MINAR1: variants seen among roughly 807,000 people sequenced by gnomAD.
MINAR1 encodes the protein membrane integral NOTCH2 associated receptor 1, also known as major intrinsically disordered Notch2-binding receptor 1.
A neutral mutation model predicts 65.1 loss-of-function variants in MINAR1; 40 were observed. The observed-to-expected ratio is 0.61, with a 90% CI of 0.48 to 0.80. The LOEUF is 0.80. Among genes scored for constraint, MINAR1 ranks in the 30% least tolerant of loss-of-function variants. The pLI, the probability that MINAR1 is intolerant of heterozygous loss-of-function variation, is 0.00. For missense variants in MINAR1, 1,128 were observed against 1,148.0 expected, an observed-to-expected ratio of 0.98 and a Z score of 0.25; for synonymous variants, 482 against 449.1, an observed-to-expected ratio of 1.07 and a Z score of -0.93.
intron 1 of MINAR1, among the ~76,000 whole-genome samples, chr15:79,452,696 GTGTC>G (rs1028987108): frequency 1.5e-4 from 15 of 102,600 alleles, no homozygotes; most frequent in African/African-American, 4.1e-4. Context: ...GTGTGTGTGG[GTGTC>G]TGGATGAGTG....
At chr15:79,443,259 G>C (rs1260356483) in intron 1 of MINAR1, among the ~76,000 whole-genome samples, 1 of 152,198 alleles carries the variant, frequency 6.6e-6, no homozygotes, top group Non-Finnish European at 1.5e-5. Context: ...GAATATTTCT[G>C]AGGGCTGGCA....
intron 1 of MINAR1, among the ~76,000 whole-genome samples, chr15:79,433,514 G>A (rs1817513168): frequency 6.6e-6 from 1 of 152,146 alleles, no homozygotes; most frequent in African/African-American, 2.4e-5. Flanking sequence ...TTTCTCTTGT[G>A]GATGGAGCCA....
rs148731743 is a variant in MINAR1, at chr15:79,471,368, ATCATT to A, written c.*2989_*2993del. On this transcript the variant is annotated 3_prime_UTR_variant, in exon 4 of 4. Coordinates refer to ENST00000305428, the MANE Select transcript of MINAR1 (RefSeq NM_015206.3). ...CATAATCATTTCATCTTCTTTCATA[ATCATT>A]TCATCTTCTAATCTGAATTTGTTTT... 8.8e-4 allele frequency: 135 copies of A among 152,734 alleles called. 1 individual carries two copies. Among genetic ancestry groups the A allele is most frequent in the African/African-American group, 3.2e-3 (132 of 41,564 alleles). The allele number at this position is 152,734 out of a possible 1,614,324, so 9.5% of individuals were successfully genotyped here.
At chr15:79,459,592 G>A (rs936730453) in intron 2 of MINAR1, among the ~76,000 whole-genome samples, 1 of 152,334 alleles carries the variant, frequency 6.6e-6, no homozygotes, top group South Asian at 2.1e-4. Flanking sequence ...GGTCTGAGTT[G>A]TCAGAGAGTG....
the MINAR1 span, chr15:79,424,464 T>C: frequency 6.9e-4 from 105 of 152,322 alleles, no homozygotes; most frequent in African/African-American, 2.3e-3. Context: ...CGTGGTGAAG[T>C]CATTTCATTC....
upstream of MINAR1, among the ~76,000 whole-genome samples, chr15:79,428,292 C>CTCCTTCCTTCTTCTCTCCCT (rs1894361705): frequency 4.0e-5 from 5 of 125,196 alleles, no homozygotes; most frequent in African/African-American, 1.6e-4. Flanking sequence ...CCCTCCCTCC[C>CTCCTTCCTTCTTCTCTCCCT]TCCTTCCTTC....
At chr15:79,424,853 A>T in the MINAR1 span, 1 of 152,290 alleles carries the variant, frequency 6.6e-6, no homozygotes, top group East Asian at 1.9e-4. Flanking sequence ...AGTCACTTGG[A>T]TGTTATTGGA....
the MINAR1 span, chr15:79,413,220 T>C: frequency 6.6e-6 from 1 of 152,220 alleles, no homozygotes; most frequent in African/African-American, 2.4e-5. Flanking sequence ...AACCCGCACA[T>C]GTACCCCTAA....
chr15:79,465,435 CTAAT>C (rs35077023), intron 3 of MINAR1, among the ~76,000 whole-genome samples: 38,881 of 151,712 alleles, frequency 0.26, 5,737 homozygotes, highest in African/African-American at 0.41. Flanking sequence ...TTTGCCAGGG[CTAAT>C]TAATAACTGC....
intron 3 of MINAR1, among the ~76,000 whole-genome samples, chr15:79,466,476 CTG>C (rs1895860663): frequency 2.0e-5 from 3 of 152,124 alleles, no homozygotes; most frequent in African/African-American, 7.2e-5. Context: ...TTTTTGGACA[CTG>C]AGATTTGCAT....
At chr15:79,424,274 T>G in the MINAR1 span, 1 of 152,252 alleles carries the variant, frequency 6.6e-6, no homozygotes, top group Non-Finnish European at 1.5e-5. Flanking sequence ...GATCACAAAA[T>G]AGCACCTGAA....
At chr15:79,452,544 G>A (rs202115472) in intron 1 of MINAR1, among the ~76,000 whole-genome samples, 39,596 of 150,478 alleles carry the variant, frequency 0.26, 5,982 homozygotes, top group East Asian at 0.53. Context: ...GTGTGTGGGT[G>A]TGTGTGGGTG....
Position 79,463,184 on chromosome 15 carries a change from A to C in MINAR1, c.2416A>C (p.Met806Leu). The C allele has an allele frequency of 6.2e-7, 1 of 1,614,246 alleles. No homozygotes were observed. The highest frequency in any genetic ancestry group is 8.5e-7 in the Non-Finnish European group (1 of 1,180,046). The change falls in exon 3 of 4, where the codon ATG (methionine) becomes CTG (leucine). Residue 806 changes from methionine (M) to leucine (L), a missense_variant. By Grantham distance (15) the Met-to-Leu change is conservative. Transcript: ENST00000305428. ...HPYPASLKAHMKSNPLYTDMR... is the reference protein window; with the variant it reads ...HPYPASLKAHLKSNPLYTDMR... ...CTACCCTGCCTCCCTCAAGGCCCAC[A>C]TGAAGAGCAACCCCCTGTACACAGA...
In MINAR1 at chr15:79,463,144, G is replaced by A. The variant is rs768775476; in HGVS notation, c.2376G>A (p.Val792=). The A allele has an allele frequency of 4.3e-6, 7 of 1,614,196 alleles. No homozygotes were observed. The highest frequency in any genetic ancestry group is 4.2e-6 in the Non-Finnish European group (5 of 1,180,048). The change falls in exon 3 of 4, where the codon GTG becomes GTA. Residue 792 remains valine, a synonymous_variant. Transcript: ENST00000305428. The stretch of plus-strand genomic sequence containing the variant: ...AAGATGGCTTCCTGGTGGAGCAGGT[G>A]TTCAGCCCTCACCCCTACCCTGCCT... The part of the protein sequence containing the change: ...QPKDGFLVEQ[V]FSPHPYPASL...
In MINAR1 at chr15:79,469,229, C is replaced by G. The variant is rs919480876; in HGVS notation, c.*845C>G. On this transcript the variant is annotated 3_prime_UTR_variant, in exon 4 of 4. Transcript: ENST00000305428. Reference sequence around the variant, plus strand: ...GGCTCCATTCCTTGATTTTCTATCTCCTGGTGGTACCAGATGCTCTGCCTC... The same window carrying G: ...GGCTCCATTCCTTGATTTTCTATCTGCTGGTGGTACCAGATGCTCTGCCTC... The G allele has an allele frequency of 6.6e-6, 1 of 152,628 alleles. No homozygotes were observed. The highest frequency in any genetic ancestry group is 2.4e-5 in the African/African-American group (1 of 41,448). 9.5% of individuals were successfully genotyped at this position (152,628 alleles called of 1,614,324 possible). A position where few individuals can be genotyped will look rare whatever the true frequency, so the allele number is the denominator to read the frequency against.
At chr15:79,455,964 C>T (rs1236523687) in intron 1 of MINAR1, 134 bp from the exon 2 acceptor site, 3 of 587,388 alleles carry the variant, frequency 5.1e-6, no homozygotes, top group East Asian at 5.6e-5. Flanking sequence ...TTTTTACTGT[C>T]CTTATTACAT....
At chr15:79,455,050 A>G (rs1405707552) in intron 1 of MINAR1, among the ~76,000 whole-genome samples, 1 of 152,250 alleles carries the variant, frequency 6.6e-6, no homozygotes, top group African/African-American at 2.4e-5. Flanking sequence ...TGATGAATAT[A>G]TGGATAGATA....
rs1895415067 is a variant in MINAR1 at position 79,456,398 on chromosome 15, CA to C, written c.252del (p.Ala85GlnfsTer4). The part of the protein sequence containing the change: ...NNQQSKKIMV[A>X]ADIVTIFNLI... ...CAGCAATCAAAGAAAATCATGGTGG[CA>C]GCAGATATTGTGACGATATTCAACC... On this transcript the variant is annotated frameshift_variant, in exon 2 of 4. Coordinates refer to ENST00000305428, the MANE Select transcript of MINAR1 (RefSeq NM_015206.3). LOFTEE classifies it high-confidence loss of function. 6.2e-7 allele frequency: 1 copy of C among 1,614,040 alleles called. No homozygotes were observed. Among genetic ancestry groups the C allele is most frequent in the African/African-American group, 1.3e-5 (1 of 74,896 alleles).
intron 2 of MINAR1, among the ~76,000 whole-genome samples, chr15:79,462,212 G>A (rs930803716): frequency 8.5e-5 from 13 of 152,132 alleles, no homozygotes; most frequent in Admixed American, 6.5e-4. Flanking sequence ...TTGCCTTTAA[G>A]GAACTCATAG....
Sources: gnomAD v4.1 joint callset for allele counts (sites outside exome capture counted in the v4.1 genomes callset) on GRCh38, gnomAD v4.1.1 for gene constraint, MANE v1.5 for transcripts, NCBI Gene and HGNC (gene_info 2026-07-23, HGNC 2026-07-21) for gene names.